The following PDE4D variants were observed in gnomAD, a reference collection of about 807,000 sequenced individuals.
The protein encoded by PDE4D is 3',5'-cyclic-AMP phosphodiesterase 4D.
Under a neutral mutation model 87.4 loss-of-function variants are expected in PDE4D, and 24 were observed. That is an observed-to-expected ratio of 0.27 (90% confidence interval 0.20 to 0.39). The LOEUF (loss-of-function observed/expected upper bound fraction) is 0.39, where lower values mean the gene tolerates loss of function less well. Among genes scored for constraint, PDE4D ranks in the 10% least tolerant of loss-of-function variants. The probability of loss-of-function intolerance (pLI) is 1.00; values close to 1 mark genes in which losing one functional copy is unlikely to be tolerated. For synonymous variants in PDE4D, 384 were observed against 383.2 expected (o/e 1.00, Z -0.02); for missense variants, 714 against 1,041.0 (o/e 0.69, Z 4.32).
intron 1 of PDE4D, among the ~76,000 whole-genome samples, chr5:59,277,069 G>A (rs1764960733): frequency 6.6e-6 from 1 of 152,116 alleles, no homozygotes; most frequent in African/African-American, 2.4e-5. Flanking sequence ...CTAGTACGTT[G>A]GTTCTCTAGT....
intron 1 of PDE4D, among the ~76,000 whole-genome samples, chr5:60,355,392 C>T (rs936941520): frequency 1.3e-5 from 2 of 152,162 alleles, no homozygotes; most frequent in African/African-American, 4.8e-5. Context: ...TCTACTTTCC[C>T]TACAGTCTCC....
intron 1 of PDE4D, among the ~76,000 whole-genome samples, chr5:60,284,797 GTTAAATGAATATA>G: frequency 6.6e-6 from 1 of 151,782 alleles, no homozygotes; most frequent in Non-Finnish European, 1.5e-5. Flanking sequence ...TGGCCAGTTT[GTTAAATGAATATA>G]TTAAAGTCAA....
intron 3 of PDE4D, among the ~76,000 whole-genome samples, chr5:59,959,387 A>C (rs1055653204): frequency 6.6e-6 from 1 of 152,186 alleles, no homozygotes; most frequent in African/African-American, 2.4e-5. Context: ...AATGGAGCCA[A>C]AAATAGAGCA....
chr5:59,199,438 C>A (rs1746231766), intron 2 of PDE4D, among the ~76,000 whole-genome samples: 1 of 151,994 alleles, frequency 6.6e-6, no homozygotes, highest in African/African-American at 2.4e-5. Flanking sequence ...GCTTCACTCA[C>A]TCTTACTAGA....
intron 1 of PDE4D, among the ~76,000 whole-genome samples, chr5:60,220,670 G>GA (rs1744394146): frequency 6.6e-6 from 1 of 152,042 alleles, no homozygotes; most frequent in Non-Finnish European, 1.5e-5. Context: ...GAACATTGCA[G>GA]AAAAAACCTT....
At chr5:60,438,465 T>C (rs990450006) in intron 1 of PDE4D, among the ~76,000 whole-genome samples, 1 of 152,128 alleles carries the variant, frequency 6.6e-6, no homozygotes, top group African/African-American at 2.4e-5. Context: ...AAATGTAAGC[T>C]CTATGAGGGT....
chr5:60,312,729 G>T (rs1217418899), intron 1 of PDE4D, among the ~76,000 whole-genome samples: 1 of 152,146 alleles, frequency 6.6e-6, no homozygotes, highest in Non-Finnish European at 1.5e-5. Flanking sequence ...CAAGATTTGG[G>T]TGGGAACACA....
chr5:60,116,234 G>A (rs565124960), intron 2 of PDE4D, among the ~76,000 whole-genome samples: 294 of 152,182 alleles, frequency 1.9e-3, no homozygotes, highest in African/African-American at 6.7e-3. Context: ...ATCTTCAGCA[G>A]CCATGTGCAA....
intron 1 of PDE4D, among the ~76,000 whole-genome samples, chr5:59,315,281 A>C (rs1400934634): frequency 6.6e-6 from 1 of 152,154 alleles, no homozygotes; most frequent in African/African-American, 2.4e-5. Context: ...TGAAGAAAAC[A>C]TACACCTGTT....
chr5:59,994,476 AG>A (rs1308366716), intron 2 of PDE4D, among the ~76,000 whole-genome samples: 4 of 152,126 alleles, frequency 2.6e-5, no homozygotes, highest in Admixed American at 2.6e-4. Flanking sequence ...ACTCCCTTAC[AG>A]GTAGCTATAG....
At chr5:60,187,860 G>A (rs1428495253) in intron 1 of PDE4D, among the ~76,000 whole-genome samples, 1 of 152,018 alleles carries the variant, frequency 6.6e-6, no homozygotes. Flanking sequence ...GTAGCTTTTA[G>A]GTACATTATT....
chr5:59,284,406 C>A (rs1051073925), intron 1 of PDE4D, among the ~76,000 whole-genome samples: 1 of 152,096 alleles, frequency 6.6e-6, no homozygotes, highest in African/African-American at 2.4e-5. Flanking sequence ...TCTTTGAAAA[C>A]AGGGAATGAT....
intron 1 of PDE4D, among the ~76,000 whole-genome samples, chr5:59,749,683 C>T (rs1760142649): frequency 6.6e-6 from 1 of 152,166 alleles, no homozygotes; most frequent in Non-Finnish European, 1.5e-5. Flanking sequence ...CCCCAACTGT[C>T]TCAGGTCTTT....
chr5:60,362,093 T>C (rs891077514), intron 1 of PDE4D, among the ~76,000 whole-genome samples: 2 of 152,166 alleles, frequency 1.3e-5, no homozygotes, highest in African/African-American at 4.8e-5. Flanking sequence ...GTGCTGGGAA[T>C]AGTGAGGAGA....
intron 1 of PDE4D, among the ~76,000 whole-genome samples, chr5:59,773,978 A>G (rs1344532819): frequency 6.6e-6 from 1 of 152,190 alleles, no homozygotes; most frequent in Non-Finnish European, 1.5e-5. Context: ...AGGAGTGACC[A>G]ATAATTTATC....
chr5:59,445,916 C>G (rs1373115598), intron 1 of PDE4D, among the ~76,000 whole-genome samples: 3 of 152,154 alleles, frequency 2.0e-5, no homozygotes, highest in Admixed American at 6.5e-5. Flanking sequence ...AGTCTTTTGT[C>G]TGCCCCATGG....
At chr5:59,088,602 A>G (rs891603202) in intron 5 of PDE4D, among the ~76,000 whole-genome samples, 3 of 152,242 alleles carry the variant, frequency 2.0e-5, no homozygotes, top group Non-Finnish European at 4.4e-5. Flanking sequence ...CATAAACACC[A>G]TGGAATACTA....
At chr5:59,802,354 A>G (rs922014755) in intron 1 of PDE4D, among the ~76,000 whole-genome samples, 1 of 151,678 alleles carries the variant, frequency 6.6e-6, no homozygotes, top group Non-Finnish European at 1.5e-5. Flanking sequence ...TGGGGAAAAC[A>G]GTCATTATAT....
chr5:60,104,189 C>T (rs900472504), intron 2 of PDE4D, among the ~76,000 whole-genome samples: 3 of 152,220 alleles, frequency 2.0e-5, no homozygotes, highest in Non-Finnish European at 2.9e-5. Flanking sequence ...GCTAAAAAAA[C>T]GGCACACCAG....
Sources: gnomAD v4.1 joint callset for allele counts (sites outside exome capture counted in the v4.1 genomes callset) on GRCh38, gnomAD v4.1.1 for gene constraint, MANE v1.5 for transcripts, NCBI Gene and HGNC (gene_info 2026-07-23, HGNC 2026-07-21) for gene names.